CECR2: variants seen among roughly 807,000 people sequenced by gnomAD.
CECR2 encodes CECR2 histone acetyl-lysine reader.
A neutral mutation model predicts 154.5 loss-of-function variants in CECR2; 30 were observed. The ratio of observed to expected loss-of-function variants is 0.19; its 90% CI spans 0.15 to 0.26. The LOEUF is 0.26. CECR2 is among the 10% of genes least tolerant of loss of function. The probability of loss-of-function intolerance (pLI) is 1.00; values close to 1 mark genes in which losing one functional copy is unlikely to be tolerated. For missense variants in CECR2, 1,743 were observed against 1,829.3 expected, an observed-to-expected ratio of 0.95 and a Z score of 0.86; for synonymous variants, 725 against 683.7, an observed-to-expected ratio of 1.06 and a Z score of -0.94.
chr22:17,419,069 C>A, intron 1 of CECR2: 1 of 156,810 alleles, frequency 6.4e-6, no homozygotes, highest in South Asian at 1.8e-4. Context: ...ACGTGGCTGT[C>A]CTGACTGACG....
At chr22:17,429,362 A>C (rs1264748591) in intron 1 of CECR2, among the ~76,000 whole-genome samples, 1 of 152,072 alleles carries the variant, frequency 6.6e-6, no homozygotes, top group African/African-American at 2.4e-5. Context: ...TGACATAGTA[A>C]GATAAAAGAC....
At position 17,517,980 on chromosome 22, in the gene CECR2, C is replaced by T. The variant is rs563190643; in HGVS notation, c.954+6084C>T. 9.9e-5 allele frequency among the ~76,000 whole-genome samples: 15 copies of T among 152,092 alleles called. No individual in the cohort carries two copies. The East Asian group carries it at 2.5e-3, about 25-fold the overall frequency. ...TAAAATGCCAGCAGTGAGTGTTACT[C>T]ACTGGCCCAGTTAAGGGCTTTGACA... On this transcript the variant is annotated intron_variant, in intron 8 of 18. Coordinates refer to ENST00000262608, the MANE Select transcript of CECR2 (RefSeq NM_001290047.2).
rs1011320505 is a variant in CECR2 at position 17,557,655 on chromosome 22, T to C, written c.*4815T>C. ...GAGCAGTTGATTGTCCTTGCTTGTG[T>C]TGTTGACAGGGGTGGGTGGGGTGGG... On this transcript the variant is annotated 3_prime_UTR_variant, in exon 19 of 19. Transcript: ENST00000262608. The C allele has an allele frequency of 5.8e-5, 8 of 138,508 alleles. No homozygotes were observed. Among genetic ancestry groups the C allele is most frequent in the African/African-American group, 2.1e-4 (8 of 37,932 alleles). 8.6% of individuals were successfully genotyped at this position (138,508 alleles called of 1,614,324 possible). A position where few individuals can be genotyped will look rare whatever the true frequency, so the allele number is the denominator to read the frequency against.
intron 9 of CECR2, among the ~76,000 whole-genome samples, chr22:17,532,158 C>A (rs1008177571): frequency 5.3e-5 from 8 of 152,060 alleles, no homozygotes; most frequent in African/African-American, 1.9e-4. Context: ...AACAGCAAGA[C>A]CCTGTCTCAA....
At chr22:17,361,607 C>T (rs572973941) in intron 1 of CECR2, among the ~76,000 whole-genome samples, 7 of 151,922 alleles carry the variant, frequency 4.6e-5, no homozygotes, top group Middle Eastern at 3.4e-3. Context: ...GGCATGGTGG[C>T]GGGCACCCAT....
At chr22:17,406,719 G>C (rs970710966) in intron 1 of CECR2, among the ~76,000 whole-genome samples, 3 of 152,170 alleles carry the variant, frequency 2.0e-5, no homozygotes, top group Non-Finnish European at 4.4e-5. Flanking sequence ...TCTTCTAGCT[G>C]AAGAGCTGTC....
chr22:17,445,945 T>C (rs539676520), intron 1 of CECR2, among the ~76,000 whole-genome samples: 2 of 152,290 alleles, frequency 1.3e-5, no homozygotes, highest in East Asian at 3.9e-4. Flanking sequence ...TATGCATAGC[T>C]GTTACACCAT....
chr22:17,365,432 C>T (rs577624125), upstream of CECR2, among the ~76,000 whole-genome samples: 5 of 152,296 alleles, frequency 3.3e-5, no homozygotes, highest in South Asian at 4.1e-4. Context: ...CAGTGGCTCA[C>T]GCCTGTAATC....
chr22:17,385,194 A>G (rs1488038242), intron 1 of CECR2, among the ~76,000 whole-genome samples: 1 of 152,120 alleles, frequency 6.6e-6, no homozygotes. Context: ...TTGCCTTCTC[A>G]TTACTGTGTT....
At chr22:17,482,736 T>C (rs1375809473) in intron 2 of CECR2, among the ~76,000 whole-genome samples, 3 of 149,162 alleles carry the variant, frequency 2.0e-5, no homozygotes, top group African/African-American at 7.4e-5. Context: ...GGTTTCATCA[T>C]GTTGGCCATG....
At position 17,385,724 on chromosome 22, in the gene CECR2, A is replaced by T. The variant is rs74276434; in HGVS notation, c.126+15815A>T. 0.013 allele frequency among the ~76,000 whole-genome samples: 1,927 copies of T among 152,284 alleles called. 64 individuals are homozygous for T. The East Asian group carries it at 0.14, about 11-fold the overall frequency. On this transcript the variant is annotated intron_variant, in intron 1 of 18. Transcript: ENST00000262608. The stretch of plus-strand genomic sequence containing the variant: ...GAAAAATGGCCCTGATAGACTTGCT[A>T]CTCGCAGGGTCGGCACGAAATCTTC...
At chr22:17,529,128 A>T (rs2056311789) in intron 9 of CECR2, among the ~76,000 whole-genome samples, 1 of 152,152 alleles carries the variant, frequency 6.6e-6, no homozygotes, top group African/African-American at 2.4e-5. Flanking sequence ...TGAAGATTTG[A>T]CATTTAAATA....
chr22:17,365,285 G>C (rs1044046234), upstream of CECR2, among the ~76,000 whole-genome samples: 2 of 152,142 alleles, frequency 1.3e-5, no homozygotes, highest in African/African-American at 4.8e-5. Context: ...TTATGAAGAA[G>C]CCACACTTTC....
At chr22:17,381,369 C>CTT (rs11393111) in intron 1 of CECR2, among the ~76,000 whole-genome samples, 6 of 151,232 alleles carry the variant, frequency 4.0e-5, no homozygotes, top group African/African-American at 1.5e-4. Context: ...TAACTCTAGA[C>CTT]TTTTTTTTTA....
chr22:17,367,264 G>A (rs2063007143), upstream of CECR2, among the ~76,000 whole-genome samples: 1 of 152,146 alleles, frequency 6.6e-6, no homozygotes, highest in South Asian at 2.1e-4. Flanking sequence ...GCTTGCTGGT[G>A]TCATTAATAT....
At chr22:17,465,537 TGCA>T (rs1569099750) in intron 1 of CECR2, among the ~76,000 whole-genome samples, 1 of 152,062 alleles carries the variant, frequency 6.6e-6, no homozygotes, top group East Asian at 1.9e-4. Flanking sequence ...CAGGCTGGAA[TGCA>T]GTAGTGCATT....
chr22:17,465,643 C>G (rs1019414876), intron 1 of CECR2, among the ~76,000 whole-genome samples: 2 of 152,044 alleles, frequency 1.3e-5, no homozygotes, highest in African/African-American at 4.8e-5. Flanking sequence ...TGCCACCATG[C>G]CTGGCTAATT....
At chr22:17,448,250 T>C (rs1431870943) in intron 1 of CECR2, among the ~76,000 whole-genome samples, 3 of 152,236 alleles carry the variant, frequency 2.0e-5, no homozygotes, top group Non-Finnish European at 4.4e-5. Context: ...TGGTTGGATA[T>C]GACTACTTTC....
chr22:17,483,880 C>T (rs1329959388), intron 2 of CECR2, among the ~76,000 whole-genome samples: 1 of 152,216 alleles, frequency 6.6e-6, no homozygotes, highest in African/African-American at 2.4e-5. Flanking sequence ...GCACTCATGA[C>T]AAGTGCTTTA....
Sources: gnomAD v4.1 joint callset for allele counts (sites outside exome capture counted in the v4.1 genomes callset) on GRCh38, gnomAD v4.1.1 for gene constraint, MANE v1.5 for transcripts, NCBI Gene and HGNC (gene_info 2026-07-23, HGNC 2026-07-21) for gene names.